Variants in ROBO2 observed in about 807,000 individuals in gnomAD.
ROBO2 encodes roundabout guidance receptor 2.
Under a neutral mutation model 160.8 loss-of-function variants are expected in ROBO2, and 53 were observed. The observed-to-expected ratio is 0.33, with a 90% CI of 0.26 to 0.41. The LOEUF (loss-of-function observed/expected upper bound fraction) is 0.41. ROBO2 is among the 10% of genes least tolerant of loss of function. ROBO2 has a pLI of 1.00. For synonymous variants in ROBO2, 664 were observed against 611.7 expected (o/e 1.09, Z -1.26); for missense variants, 1,577 against 1,722.4 (o/e 0.92, Z 1.49).
intron 2 of ROBO2, among the ~76,000 whole-genome samples, chr3:77,436,253 T>A (rs1486667750): frequency 2.6e-5 from 4 of 151,642 alleles, no homozygotes; most frequent in African/African-American, 9.7e-5. Flanking sequence ...AAGTAGTAAT[T>A]AATCAGACTG....
intron 2 of ROBO2, among the ~76,000 whole-genome samples, chr3:77,384,860 C>T (rs987421206): frequency 1.3e-5 from 2 of 151,976 alleles, no homozygotes; most frequent in Admixed American, 6.6e-5. Context: ...TATAAATTTC[C>T]CTTCCCCCAT....
chr3:76,508,168 A>C lies in ROBO2; in HGVS notation c.109+570566A>C, dbSNP rs550113010. Among the ~76,000 whole-genome samples the C allele has an allele frequency of 2.0e-5, 3 of 152,278 alleles. No homozygotes were observed. In the South Asian group the frequency reaches 6.2e-4, roughly 32 times the overall value. On this transcript the variant is annotated intron_variant, in intron 2 of 26. Transcript: ENST00000487694. The stretch of plus-strand genomic sequence containing the variant: ...ACATGTACACAAACTTGTCATTGTT[A>C]ATTTTAGTTACTTCTGATTTTCTTA...
At chr3:76,111,245 C>T (rs1200753273) in intron 2 of ROBO2, among the ~76,000 whole-genome samples, 1 of 151,980 alleles carries the variant, frequency 6.6e-6, no homozygotes, top group Non-Finnish European at 1.5e-5. Flanking sequence ...CATGTGAGAA[C>T]AGAGGCAGAG....
intron 2 of ROBO2, among the ~76,000 whole-genome samples, chr3:76,931,763 C>T (rs2077359888): frequency 6.6e-6 from 1 of 152,048 alleles, no homozygotes; most frequent in Non-Finnish European, 1.5e-5. Flanking sequence ...CTCACTGCAG[C>T]CTTTGCTTCC....
intron 2 of ROBO2, among the ~76,000 whole-genome samples, chr3:76,312,208 A>G (rs1020691477): frequency 3.3e-5 from 5 of 152,166 alleles, no homozygotes; most frequent in African/African-American, 4.8e-5. Flanking sequence ...GATGGGAGAT[A>G]TATCTGAGGA....
At chr3:77,232,722 G>A (rs1344149012) in intron 2 of ROBO2, among the ~76,000 whole-genome samples, 2 of 152,130 alleles carry the variant, frequency 1.3e-5, no homozygotes, top group African/African-American at 4.8e-5. Context: ...TGTCAATAAT[G>A]TGATGGTGAT....
At chr3:76,926,411 A>G (rs191231315) in intron 2 of ROBO2, among the ~76,000 whole-genome samples, 30 of 152,312 alleles carry the variant, frequency 2.0e-4, no homozygotes, top group Admixed American at 7.8e-4. Context: ...TTGAGTTATC[A>G]GTGAATCCCT....
intron 2 of ROBO2, among the ~76,000 whole-genome samples, chr3:76,744,420 C>A (rs1374264028): frequency 6.6e-6 from 1 of 151,898 alleles, no homozygotes; most frequent in Non-Finnish European, 1.5e-5. Flanking sequence ...AGTGCAGTGG[C>A]ACAATCATAG....
chr3:76,903,244 C>T (rs2075355995), intron 2 of ROBO2, among the ~76,000 whole-genome samples: 1 of 151,972 alleles, frequency 6.6e-6, no homozygotes, highest in Non-Finnish European at 1.5e-5. Context: ...TTCTCTTAAC[C>T]TGTTTTTAGT....
At chr3:77,434,916 C>T (rs2153545784) in intron 2 of ROBO2, among the ~76,000 whole-genome samples, 1 of 152,120 alleles carries the variant, frequency 6.6e-6, no homozygotes, top group African/African-American at 2.4e-5. Flanking sequence ...ATAATGAGTA[C>T]TTGATCCCCA....
At position 76,595,618 on chromosome 3, in the gene ROBO2, G is replaced by A. The variant is rs1578396968; in HGVS notation, c.110-502396G>A. Among the ~76,000 whole-genome samples the A allele has an allele frequency of 2.0e-5, 3 of 152,150 alleles. No homozygotes were observed. In the South Asian group the frequency reaches 6.2e-4, roughly 32 times the overall value. ...CTTTAAAAAATTACAGATTATATAT[G>A]AGTGATATGCATATTAAGTGAAATC... On this transcript the variant is annotated intron_variant, in intron 2 of 26. Transcript: ENST00000487694.
intron 2 of ROBO2, among the ~76,000 whole-genome samples, chr3:76,307,275 C>T (rs2071377105): frequency 6.6e-6 from 1 of 152,202 alleles, no homozygotes; most frequent in Non-Finnish European, 1.5e-5. Context: ...GCCACCTTCT[C>T]TGCCCTGAAT....
At chr3:76,397,659 G>A (rs2077542950) in intron 2 of ROBO2, among the ~76,000 whole-genome samples, 1 of 152,060 alleles carries the variant, frequency 6.6e-6, no homozygotes, top group African/African-American at 2.4e-5. Flanking sequence ...CAAAAAGTGG[G>A]CGAAGGACAT....
intron 2 of ROBO2, among the ~76,000 whole-genome samples, chr3:76,299,252 G>A (rs1394717953): frequency 1.3e-5 from 2 of 152,146 alleles, no homozygotes; most frequent in Admixed American, 1.3e-4. Context: ...GGAGGGACCT[G>A]GAAGGCCAAG....
chr3:76,789,717 G>A (rs560865716), intron 2 of ROBO2, among the ~76,000 whole-genome samples: 65 of 151,676 alleles, frequency 4.3e-4, no homozygotes, highest in African/African-American at 1.5e-3. Flanking sequence ...AGAGCATAAC[G>A]CAAATTGAAA....
chr3:76,681,813 G>A lies in ROBO2; in HGVS notation c.110-416201G>A, dbSNP rs143392448. Among the ~76,000 whole-genome samples, 60 of 152,232 alleles carry A rather than the reference G, an allele frequency of 3.9e-4. No individual in the cohort carries two copies. The East Asian group carries it at 7.0e-3, about 18-fold the overall frequency. ...GCCATTACTTTCAATGGCAAAAACA[G>A]CAATTACTGTTGCACCAACTTAATA... On this transcript the variant is annotated intron_variant, in intron 2 of 26. Coordinates refer to the ROBO2 transcript ENST00000487694.
At chr3:76,641,900 G>T (rs1015196373) in intron 2 of ROBO2, among the ~76,000 whole-genome samples, 2 of 152,142 alleles carry the variant, frequency 1.3e-5, no homozygotes, top group South Asian at 4.1e-4. Context: ...ACCATGCCTG[G>T]CTAATTTTTT....
intron 2 of ROBO2, among the ~76,000 whole-genome samples, chr3:76,252,814 G>GT (rs201730273): frequency 0.016 from 2,380 of 146,786 alleles, 54 homozygotes; most frequent in African/African-American, 0.055. Flanking sequence ...GTTTTGCTTT[G>GT]TTTTTTTTTG....
intron 2 of ROBO2, among the ~76,000 whole-genome samples, chr3:77,328,354 C>T (rs1560546078): frequency 6.6e-6 from 1 of 152,128 alleles, no homozygotes; most frequent in Non-Finnish European, 1.5e-5. Flanking sequence ...TATTTTAAGA[C>T]ACAGAACACA....
Sources: gnomAD v4.1 joint callset for allele counts (sites outside exome capture counted in the v4.1 genomes callset) on GRCh38, gnomAD v4.1.1 for gene constraint, MANE v1.5 for transcripts, NCBI Gene and HGNC (gene_info 2026-07-23, HGNC 2026-07-21) for gene names.